The following SLC9C1 variants were observed in gnomAD, a reference collection of about 807,000 sequenced individuals.
SLC9C1 encodes sodium/hydrogen exchanger 10.
In SLC9C1, 97 loss-of-function variants were observed where a neutral mutation model predicts 140.9. The observed-to-expected ratio is 0.69, with a 90% CI of 0.58 to 0.82. SLC9C1 has a LOEUF of 0.82. Among genes scored for constraint, SLC9C1 ranks in the 40% least tolerant of loss-of-function variants. The probability of loss-of-function intolerance (pLI) is 0.00; values close to 1 mark genes in which losing one functional copy is unlikely to be tolerated. For missense variants in SLC9C1, 1,340 were observed against 1,389.3 expected (o/e 0.96, Z 0.56); for synonymous variants, 440 against 442.6 (o/e 0.99, Z 0.07).
Position 112,168,989 on chromosome 3 carries a change from T to C in SLC9C1, c.3125A>G (p.Asp1042Gly). The C allele has an allele frequency of 1.2e-6, 2 of 1,612,130 alleles. No individual in the cohort carries two copies. Among genetic ancestry groups the C allele is most frequent in the South Asian group, 1.1e-5 (1 of 90,542 alleles). The change falls in exon 25 of 29, where the codon GAT becomes GGT. Residue 1042 changes from aspartate to glycine, a missense_variant. Transcript: ENST00000305815. Reference protein sequence around the residue: ...VVDIPMSTKTDIYDENLIYVI... With the variant: ...VVDIPMSTKTGIYDENLIYVI... ...ATAGATTAGATTTTCATCATAAATA[T>C]CAGTTTTGGTACTCATTGGTATATC...
intron 12 of SLC9C1, among the ~76,000 whole-genome samples, chr3:112,235,818 C>T (rs1206106492): frequency 2.0e-5 from 3 of 152,106 alleles, no homozygotes; most frequent in African/African-American, 4.8e-5. Flanking sequence ...AGGGATGAAG[C>T]CCACTTGATC....
intron 25 of SLC9C1, among the ~76,000 whole-genome samples, chr3:112,168,362 C>G (rs2077179834): frequency 1.1e-5 from 1 of 90,420 alleles, no homozygotes; most frequent in South Asian, 4.0e-4. Context: ...CACACACACA[C>G]ACACAACTTC....
At chr3:112,276,541 A>G (rs1391484065) in intron 5 of SLC9C1, among the ~76,000 whole-genome samples, 1 of 152,154 alleles carries the variant, frequency 6.6e-6, no homozygotes, top group African/African-American at 2.4e-5. Flanking sequence ...GGAGAGAAAC[A>G]AAATTCTGAA....
At chr3:112,262,821 T>A (rs2079811696) in intron 10 of SLC9C1, 103 bp downstream of exon 10, 2 of 1,061,360 alleles carry the variant, frequency 1.9e-6, no homozygotes, top group South Asian at 6.1e-5. Context: ...CACTCCTACA[T>A]CCCAAGTGAA....
At chr3:112,282,272 G>A (rs1282663116) in intron 2 of SLC9C1, among the ~76,000 whole-genome samples, 5 of 152,180 alleles carry the variant, frequency 3.3e-5, no homozygotes. Context: ...CACAATTAAA[G>A]CAATGGTTAC....
chr3:112,169,834 C>T (rs2077212494), intron 23 of SLC9C1, among the ~76,000 whole-genome samples: 1 of 152,090 alleles, frequency 6.6e-6, no homozygotes. Flanking sequence ...GTCACTTCAA[C>T]AGTACTAATT....
At chr3:112,163,537 G>C (rs1431471244) in intron 26 of SLC9C1, among the ~76,000 whole-genome samples, 6 of 152,076 alleles carry the variant, frequency 3.9e-5, no homozygotes, top group Non-Finnish European at 8.8e-5. Context: ...GTACCCAGTA[G>C]TCATTCAGGA....
At chr3:112,243,904 C>A in intron 11 of SLC9C1, 91 bp downstream of exon 11, 2 of 897,570 alleles carry the variant, frequency 2.2e-6, no homozygotes, top group Non-Finnish European at 1.7e-6. Flanking sequence ...GTTGCCTAGG[C>A]TGTATATGGA....
At chr3:112,196,940 G>A (rs765040689) in intron 20 of SLC9C1, among the ~76,000 whole-genome samples, 7 of 143,756 alleles carry the variant, frequency 4.9e-5, no homozygotes, top group Non-Finnish European at 9.1e-5. Context: ...GCCAGTTTTT[G>A]TGTATGCCTT....
At chr3:112,199,249 A>C in intron 20 of SLC9C1, 72 bp downstream of exon 20, 1 of 1,258,084 alleles carries the variant, frequency 7.9e-7, no homozygotes, top group South Asian at 2.1e-5. Context: ...TTAGAAGTCA[A>C]ATGTAGCCTT....
intron 1 of SLC9C1, among the ~76,000 whole-genome samples, chr3:112,287,900 G>C (rs11929523): frequency 1.3e-5 from 2 of 151,840 alleles, no homozygotes; most frequent in African/African-American, 2.4e-5. Flanking sequence ...AAAATTAGCC[G>C]GGCATGGTGG....
chr3:112,222,282 C>A (rs1008116964), intron 13 of SLC9C1, among the ~76,000 whole-genome samples: 1 of 152,148 alleles, frequency 6.6e-6, no homozygotes, highest in East Asian at 1.9e-4. Context: ...GTTAAATTAT[C>A]TTTCCCAATG....
At chr3:112,160,427 C>T (rs924133298) in intron 26 of SLC9C1, among the ~76,000 whole-genome samples, 4 of 130,980 alleles carry the variant, frequency 3.1e-5, no homozygotes, top group African/African-American at 1.1e-4. Context: ...CCCCTCCCCC[C>T]ACCCACAACA....
chr3:112,167,172 TA>T (rs755676543), intron 26 of SLC9C1, 48 bp downstream of exon 26: 1 of 1,590,610 alleles, frequency 6.3e-7, no homozygotes. Context: ...ATGGCTATTT[TA>T]TAAAGGGAAA....
chr3:112,216,748 CTGTT>C (rs1280575570), intron 15 of SLC9C1, among the ~76,000 whole-genome samples: 1 of 152,220 alleles, frequency 6.6e-6, no homozygotes, highest in Admixed American at 6.5e-5. Flanking sequence ...CACATTTACA[CTGTT>C]TGTGGGGCTG....
chr3:112,234,448 G>T (rs941510463), intron 12 of SLC9C1, among the ~76,000 whole-genome samples: 2 of 152,106 alleles, frequency 1.3e-5, no homozygotes, highest in African/African-American at 2.4e-5. Flanking sequence ...TCTGATGGTA[G>T]TTTCTTTTGC....
chr3:112,160,335 A>G (rs1288691929), intron 26 of SLC9C1, among the ~76,000 whole-genome samples: 1 of 151,476 alleles, frequency 6.6e-6, no homozygotes, highest in Non-Finnish European at 1.5e-5. Flanking sequence ...TTAGTTACAT[A>G]TGTGTACATG....
chr3:112,175,760 C>T (rs1044894077), intron 23 of SLC9C1, among the ~76,000 whole-genome samples: 1 of 152,192 alleles, frequency 6.6e-6, no homozygotes, highest in Admixed American at 6.5e-5. Flanking sequence ...TGCTGAGGGA[C>T]TGCTCTAGTC....
At chr3:112,229,749 G>T (rs1050042808) in intron 13 of SLC9C1, among the ~76,000 whole-genome samples, 13 of 151,994 alleles carry the variant, frequency 8.6e-5, no homozygotes, top group Admixed American at 7.9e-4. Flanking sequence ...ACAAAAATTG[G>T]TGAGCAAGTA....
Sources: gnomAD v4.1 joint callset for allele counts (sites outside exome capture counted in the v4.1 genomes callset) on GRCh38, gnomAD v4.1.1 for gene constraint, MANE v1.5 for transcripts, NCBI Gene and HGNC (gene_info 2026-07-23, HGNC 2026-07-21) for gene names.